HABP2: variants seen among roughly 807,000 people sequenced by gnomAD.
HABP2 encodes hyaluronan binding protein 2.
Under a neutral mutation model 66.5 loss-of-function variants are expected in HABP2, and 65 were observed. The ratio of observed to expected loss-of-function variants is 0.98; its 90% confidence interval spans 0.80 to 1.20. The LOEUF (loss-of-function observed/expected upper bound fraction) is 1.20. HABP2 is among the 50% of genes most tolerant of loss of function. The probability of loss-of-function intolerance (pLI) is 0.00; values close to 1 mark genes in which losing one functional copy is unlikely to be tolerated. For missense variants in HABP2, 786 were observed against 691.0 expected (o/e 1.14, Z -1.54); for synonymous variants, 263 against 253.9 (o/e 1.04, Z -0.34).
intron 1 of HABP2, among the ~76,000 whole-genome samples, chr10:113,564,948 C>A (rs1194974333): frequency 1.3e-5 from 2 of 152,096 alleles, no homozygotes; most frequent in Admixed American, 6.5e-5. Flanking sequence ...CTGGGCTCAC[C>A]CCATTCTCCT....
At position 113,589,525 on chromosome 10, in the gene HABP2, A is replaced by C; in HGVS notation, c.*1156A>C. 1.5e-5 allele frequency: 14 copies of C among 922,334 alleles called. No individual in the cohort carries two copies. Among genetic ancestry groups the C allele is most frequent in the Non-Finnish European group, 2.3e-5 (14 of 613,610 alleles). 57.1% of individuals were successfully genotyped at this position (922,334 alleles called of 1,614,324 possible). A position where few individuals can be genotyped will look rare whatever the true frequency, so the allele number is the denominator to read the frequency against. On this transcript the variant is annotated 3_prime_UTR_variant, in exon 13 of 13. Coordinates refer to ENST00000351270, the MANE Select transcript of HABP2 (RefSeq NM_004132.5). ...CTGGTCATCTCAGACCCATGAAATT[A>C]GGCGCCTTGTTTGAGCTGCGTTTCA...
At chr10:113,553,640 C>T (rs1437374588) in intron 1 of HABP2, among the ~76,000 whole-genome samples, 1 of 152,228 alleles carries the variant, frequency 6.6e-6, no homozygotes, top group African/African-American at 2.4e-5. Context: ...AGAGGGGAAG[C>T]CTGCTGACTG....
chr10:113,583,428 A>C (rs1592700666), intron 10 of HABP2, 70 bp downstream of exon 10: 1 of 1,421,620 alleles, frequency 7.0e-7, no homozygotes, highest in Non-Finnish European at 9.9e-7. Context: ...CAGAAAGCTG[A>C]AGTTTGGTTC....
At chr10:113,574,178 C>T in intron 2 of HABP2, 111 bp from the exon 3 acceptor site, 1 of 664,474 alleles carries the variant, frequency 1.5e-6, no homozygotes, top group Non-Finnish European at 2.7e-6. Context: ...ACACATGATT[C>T]CTCCTGCAGG....
chr10:113,589,270 T>C lies in HABP2; in HGVS notation c.*901T>C, dbSNP rs1393410400. On this transcript the variant is annotated 3_prime_UTR_variant, in exon 13 of 13. Transcript: ENST00000351270. ...CAGGAATGAGAAAGCAAAGCCAATCTCTCATTTAGACCTGGCTTCTTTCTT... is the reference window on the plus strand; with the variant it reads ...CAGGAATGAGAAAGCAAAGCCAATCCCTCATTTAGACCTGGCTTCTTTCTT... The C allele has an allele frequency of 1.0e-5, 6 of 592,904 alleles. No individual in the cohort carries two copies. Among genetic ancestry groups the C allele is most frequent in the Non-Finnish European group, 1.5e-5 (5 of 336,538 alleles). 36.7% of individuals were successfully genotyped at this position (592,904 alleles called of 1,614,324 possible).
At chr10:113,574,246 T>G in intron 2 of HABP2, 43 bp from the exon 3 acceptor site, 1 of 957,512 alleles carries the variant, frequency 1.0e-6, no homozygotes, top group Non-Finnish European at 1.7e-6. Context: ...CCTATTTGAG[T>G]GTAATGATTA....
chr10:113,579,638 G>A (rs960679996), intron 7 of HABP2, among the ~76,000 whole-genome samples: 3 of 152,216 alleles, frequency 2.0e-5, no homozygotes, highest in Non-Finnish European at 4.4e-5. Flanking sequence ...CTGCCTCCAG[G>A]CCACTCTGTT....
intron 2 of HABP2, among the ~76,000 whole-genome samples, chr10:113,573,443 G>A (rs567443803): frequency 1.3e-5 from 2 of 152,348 alleles, no homozygotes; most frequent in East Asian, 3.9e-4. Flanking sequence ...TTTCCCAAGG[G>A]TAAGTGTGGG....
At chr10:113,575,844 C>A (rs548154423) in intron 3 of HABP2, 53 bp from the exon 4 acceptor site, 2 of 974,326 alleles carry the variant, frequency 2.1e-6, no homozygotes, top group South Asian at 1.4e-5. Flanking sequence ...TGGAGGGGGG[C>A]GCTTCTCACC....
chr10:113,584,272 T>C lies in HABP2; in HGVS notation c.1362T>C (p.Val454=). ...AGTGCCACATCTCTGGCTGGGGTGT[T>C]ACAGAAACAGGTGAGTCGGCCATGC... ...GSECHISGWG[V]TETGKGSRQL... Residue 454 remains valine (V), a synonymous_variant, in exon 11 of 13, where the codon GTT becomes GTC. Coordinates refer to ENST00000351270, the MANE Select transcript of HABP2 (RefSeq NM_004132.5). The C allele has an allele frequency of 6.2e-7, 1 of 1,614,060 alleles. No individual in the cohort carries two copies. Among genetic ancestry groups the C allele is most frequent in the Non-Finnish European group, 8.5e-7 (1 of 1,179,912 alleles).
intron 2 of HABP2, chr10:113,570,163 T>C (rs1023308815): frequency 6.6e-5 from 10 of 152,230 alleles, no homozygotes; most frequent in Admixed American, 3.3e-4. Flanking sequence ...TAGGTAGACC[T>C]GGGTTATGAT....
intron 7 of HABP2, among the ~76,000 whole-genome samples, chr10:113,579,730 A>G (rs1459253654): frequency 2.0e-5 from 3 of 150,768 alleles, no homozygotes; most frequent in Non-Finnish European, 2.9e-5. Context: ...TATGGCTTTG[A>G]ACTGGCTTCA....
rs200071983 is a variant in HABP2, at chr10:113,574,385, A to G, written c.203A>G (p.Tyr68Cys). ...TLTHAENPDW[Y>C]YTEDQADPCQ... is the part of the protein sequence containing the mutation. ...ACCCACGCTGAGAATCCTGACTGGTACTACACTGAGGACCAAGCTGGTAGG... is the reference window on the plus strand; with the variant it reads ...ACCCACGCTGAGAATCCTGACTGGTGCTACACTGAGGACCAAGCTGGTAGG... The change falls in exon 3 of 13, where the codon TAC becomes TGC. Residue 68 changes from tyrosine to cysteine, a missense_variant. Coordinates refer to ENST00000351270, the MANE Select transcript of HABP2 (RefSeq NM_004132.5). The G allele has an allele frequency of 2.4e-5, 37 of 1,555,606 alleles. No homozygotes were observed. In the East Asian group the frequency reaches 8.1e-4, roughly 34 times the overall value.
chr10:113,584,921 T>C (rs1441418832), intron 11 of HABP2, among the ~76,000 whole-genome samples: 3 of 152,222 alleles, frequency 2.0e-5, no homozygotes, highest in Admixed American at 2.0e-4. Flanking sequence ...CTCATAGTAC[T>C]GGCAACATTA....
intron 12 of HABP2, among the ~76,000 whole-genome samples, chr10:113,587,033 G>T (rs1182912726): frequency 6.6e-6 from 1 of 152,222 alleles, no homozygotes; most frequent in African/African-American, 2.4e-5. Context: ...CATTCAGGCT[G>T]GGCATGCGTG....
chr10:113,569,599 G>C (rs1282703511), intron 2 of HABP2: 2 of 152,382 alleles, frequency 1.3e-5, no homozygotes, highest in African/African-American at 4.8e-5. Context: ...GGGTGGTGGA[G>C]GAGGTAGCCA....
In HABP2 at chr10:113,574,367, C is replaced by G. The variant is rs1565102581; in HGVS notation, c.185C>G (p.Ala62Gly). The G allele has an allele frequency of 6.3e-7, 1 of 1,590,938 alleles. No individual in the cohort carries two copies. The highest frequency in any genetic ancestry group is 8.6e-7 in the Non-Finnish European group (1 of 1,158,462). The change falls in exon 3 of 13, where the codon GCT (alanine) becomes GGT (glycine). Residue 62 changes from alanine to glycine, a missense_variant. By Grantham distance (60) the Ala-to-Gly change is moderately conservative. Transcript: ENST00000351270. ...AACACCAGTAGCACACTTACCCACG[C>G]TGAGAATCCTGACTGGTACTACACT... is the stretch of plus-strand genomic sequence containing the variant. ...EENTSSTLTHAENPDWYYTED... is the reference protein window; with the variant it reads ...EENTSSTLTHGENPDWYYTED...
At chr10:113,567,400 C>A in intron 1 of HABP2, 89 bp from the exon 2 acceptor site, 3 of 960,534 alleles carry the variant, frequency 3.1e-6, no homozygotes, top group Non-Finnish European at 5.1e-6. Context: ...CACCTGCACC[C>A]CATACGATCT....
In HABP2 at chr10:113,567,532, G is replaced by A; in HGVS notation, c.106+7G>A. On this transcript the variant is annotated splice_region_variant and intron_variant, in intron 2 of 12. Coordinates refer to ENST00000351270, the MANE Select transcript of HABP2 (RefSeq NM_004132.5). The stretch of plus-strand genomic sequence containing the variant: ...TTGGAAAGCCTGGACCCAGGTAAGT[G>A]TGCTGATCTCCCTGGGGCTTCCCAC... 6.2e-7 allele frequency: 1 copy of A among 1,605,038 alleles called. No homozygotes were observed. The highest frequency in any genetic ancestry group is 8.5e-7 in the Non-Finnish European group (1 of 1,171,676).
Sources: gnomAD v4.1 joint callset for allele counts (sites outside exome capture counted in the v4.1 genomes callset) on GRCh38, gnomAD v4.1.1 for gene constraint, MANE v1.5 for transcripts, NCBI Gene and HGNC (gene_info 2026-07-23, HGNC 2026-07-21) for gene names.